The following APTX variants were observed in gnomAD, a reference collection of about 807,000 sequenced individuals.
The protein encoded by APTX is forkhead-associated domain histidine triad-like protein.
Under a neutral mutation model 42.3 loss-of-function variants are expected in APTX, and 33 were observed. The observed-to-expected ratio is 0.78, with a 90% CI of 0.59 to 1.04. APTX has a LOEUF of 1.04. Ranked by LOEUF, APTX falls within the 50% of genes least tolerant of loss-of-function variation. The pLI, the probability that APTX is intolerant of heterozygous loss-of-function variation, is 0.00. For synonymous variants in APTX, 130 were observed against 146.7 expected (o/e 0.89, Z 0.82); for missense variants, 421 against 415.1 (o/e 1.01, Z -0.12).
chr9:33,023,780 G>C (rs1026520692), intron 1 of APTX, among the ~76,000 whole-genome samples: 2 of 152,192 alleles, frequency 1.3e-5, no homozygotes, highest in Admixed American at 1.3e-4. Flanking sequence ...AGGCTGAAGA[G>C]GCAGCATGAG....
At chr9:33,001,670 G>A (rs375506477), upstream of APTX, 16 of 1,593,670 alleles carry the variant, frequency 1.0e-5, no homozygotes, top group East Asian at 2.7e-4. Context: ...GACCAGTGAC[G>A]TCACCAGCAC....
intron 2 of APTX, among the ~76,000 whole-genome samples, chr9:32,988,685 G>GAAAAAAAAAAAAAAAAA (rs1563969938): frequency 1.7e-5 from 1 of 60,472 alleles, no homozygotes; most frequent in Non-Finnish European, 3.1e-5. Context: ...TATCTCAGGA[G>GAAAAAAAAAAAAAAAAA]GAAAAAAAAA....
chr9:33,000,351 G>A (rs1298194260), intron 1 of APTX, among the ~76,000 whole-genome samples: 1 of 152,196 alleles, frequency 6.6e-6, no homozygotes, highest in Admixed American at 6.5e-5. Flanking sequence ...CTGCGGCTGG[G>A]CACAGTGGCT....
upstream of APTX, chr9:33,001,731 G>A (rs1192016964): frequency 5.3e-5 from 70 of 1,308,762 alleles, no homozygotes; most frequent in Non-Finnish European, 6.7e-5. Context: ...AGATCAAAAA[G>A]CGTCCGCCCC....
intron 1 of APTX, among the ~76,000 whole-genome samples, chr9:33,018,562 TC>T (rs1164982323): frequency 9.9e-6 from 1 of 100,746 alleles, no homozygotes; most frequent in Non-Finnish European, 2.1e-5. Flanking sequence ...GAGCAAGACT[TC>T]GTCTCAGAAA....
chr9:32,989,044 C>T (rs1424338929), intron 2 of APTX, among the ~76,000 whole-genome samples: 1 of 152,168 alleles, frequency 6.6e-6, no homozygotes, highest in African/African-American at 2.4e-5. Flanking sequence ...CACATACATG[C>T]CCCTTCAGTT....
chr9:33,005,363 T>A (rs1384160941), upstream of APTX, among the ~76,000 whole-genome samples: 7 of 151,848 alleles, frequency 4.6e-5, no homozygotes, highest in African/African-American at 1.7e-4. Context: ...TTTCTAAGAG[T>A]TTTATAGTTT....
At chr9:32,987,982 A>G in intron 3 of APTX, 101 bp downstream of exon 3, 1 of 1,509,524 alleles carries the variant, frequency 6.6e-7, no homozygotes, top group African/African-American at 1.4e-5. Flanking sequence ...CATCACTTCC[A>G]TACATGACAG....
chr9:33,019,566 C>T lies in APTX; in HGVS notation c.-5+5457G>A, dbSNP rs528833823. 2.8e-5 allele frequency: 10 copies of T among 352,350 alleles called. No homozygotes were observed. In the South Asian group the frequency reaches 6.0e-4, roughly 21 times the overall value. 21.8% of individuals were successfully genotyped at this position (352,350 alleles called of 1,614,324 possible). On this transcript the variant is annotated intron_variant, in intron 1 of 6. Coordinates refer to the APTX transcript ENST00000436040. ...AGAAAACAAGGGACCCCTGAGCACACAAAGGCAGTACAGGCCGACCATGAG... is the reference window on the plus strand; with the variant it reads ...AGAAAACAAGGGACCCCTGAGCACATAAAGGCAGTACAGGCCGACCATGAG...
chr9:32,990,169 ATTTATTTAT>A, intron 1 of APTX: 2 of 382,336 alleles, frequency 5.2e-6, no homozygotes, highest in Non-Finnish European at 9.4e-6. Context: ...ACATTTATTT[ATTTATTTAT>A]TTTATTTATT....
At chr9:33,003,450 G>A (rs1836874216), upstream of APTX, among the ~76,000 whole-genome samples, 5 of 152,216 alleles carry the variant, frequency 3.3e-5, no homozygotes, top group East Asian at 3.9e-4. Context: ...GGAGGCCAAC[G>A]CAGGTGGATT....
Position 32,988,014 on chromosome 9 carries a change from C to G in APTX, c.180+69G>C, listed in dbSNP as rs1161181574. 2.6e-6 allele frequency: 4 copies of G among 1,561,464 alleles called. No individual in the cohort carries two copies. In the East Asian group the frequency reaches 9.0e-5, roughly 35 times the overall value. On this transcript the variant is annotated intron_variant, in intron 3 of 7. Transcript: ENST00000379817. The stretch of plus-strand genomic sequence containing the variant: ...ACAGAGAAGCCTTCACTGGCTGGCA[C>G]AGACACTCTAAAGTCAACAGCATAA...
chr9:32,979,111 G>A (rs1830113959), intron 6 of APTX, among the ~76,000 whole-genome samples: 8 of 152,098 alleles, frequency 5.3e-5, no homozygotes, highest in Admixed American at 5.2e-4. Flanking sequence ...TGTCACAGGA[G>A]TTTGCTATAC....
In APTX at chr9:32,974,534, C is replaced by G; in HGVS notation, c.798G>C (p.Gln266His). 6.2e-7 allele frequency: 1 copy of G among 1,610,910 alleles called. No individual in the cohort carries two copies. Among genetic ancestry groups the G allele is most frequent in the Non-Finnish European group, 8.5e-7 (1 of 1,179,040 alleles). The change falls in exon 7 of 8, where the codon CAG becomes CAC. Residue 266 changes from glutamine to histidine, a missense_variant. Coordinates refer to ENST00000379817, the MANE Select transcript of APTX (RefSeq NM_001195248.2). ...MSHVHLHVIS[Q>H]DFDSPCLKNK... is the part of the protein sequence containing the mutation. ...TTTTAAGGCAAGGAGAATCAAAATC[C>G]TGGCTGATCACATGAAGATGTACAT...
intron 1 of APTX, among the ~76,000 whole-genome samples, chr9:33,007,020 A>AAAAAAAAAAAAAAAG (rs1837205264): frequency 1.5e-5 from 2 of 134,590 alleles, no homozygotes; most frequent in Non-Finnish European, 3.1e-5. Flanking sequence ...AAAAAAAAAA[A>AAAAAAAAAAAAAAAG]AAAGAAAGAA....
chr9:32,995,109 G>C (rs1771356401), intron 1 of APTX, among the ~76,000 whole-genome samples: 1 of 152,182 alleles, frequency 6.6e-6, no homozygotes, highest in South Asian at 2.1e-4. Context: ...TTTCGTGCTT[G>C]ATAAAACAAC....
rs551399198 is a variant in APTX at position 33,007,136 on chromosome 9, G to C, written c.-4-17241C>G. On this transcript the variant is annotated intron_variant, in intron 1 of 6. Coordinates refer to the APTX transcript ENST00000436040. ...CTTGATGGAAAAATATTCTAGGTCT[G>C]TGATCCAAACTGAGGAAAGAGCATG... is the stretch of plus-strand genomic sequence containing the variant. 1.1e-3 allele frequency among the ~76,000 whole-genome samples: 163 copies of C among 152,134 alleles called. No individual in the cohort carries two copies. In the Middle Eastern group the frequency reaches 0.024, roughly 22 times the overall value.
At chr9:33,016,044 A>C (rs1837879211) in intron 1 of APTX, 1 of 152,250 alleles carries the variant, frequency 6.6e-6, no homozygotes, top group South Asian at 2.1e-4. Context: ...AATTTTTTTA[A>C]ATAAACGTTG....
intron 1 of APTX, among the ~76,000 whole-genome samples, chr9:32,998,244 T>C (rs1056413424): frequency 6.6e-6 from 1 of 152,154 alleles, no homozygotes; most frequent in African/African-American, 2.4e-5. Flanking sequence ...TTTGGGGGCA[T>C]GTAGGAGGTA....
Sources: gnomAD v4.1 joint callset for allele counts (sites outside exome capture counted in the v4.1 genomes callset) on GRCh38, gnomAD v4.1.1 for gene constraint, MANE v1.5 for transcripts, NCBI Gene and HGNC (gene_info 2026-07-23, HGNC 2026-07-21) for gene names.